The following CLSTN2 variants were observed in gnomAD, a reference collection of about 807,000 sequenced individuals.
The protein encoded by CLSTN2 is calsyntenin 2.
CLSTN2 carries 48 observed loss-of-function variants against 101.2 expected under a neutral mutation model. The observed-to-expected ratio is 0.47, with a 90% CI of 0.38 to 0.60. CLSTN2 has a LOEUF of 0.60. CLSTN2 is among the 20% of genes least tolerant of loss of function. The probability of loss-of-function intolerance (pLI) is 0.00; values close to 1 mark genes in which losing one functional copy is unlikely to be tolerated. For synonymous variants in CLSTN2, 481 were observed against 463.6 expected (o/e 1.04, Z -0.48); for missense variants, 1,160 against 1,238.2 (o/e 0.94, Z 0.95).
chr3:140,478,872 G>GAGGAAGGAAGGAAGGAAGGAAGGAAGGA (rs34907334), intron 8 of CLSTN2, among the ~76,000 whole-genome samples: 2 of 141,422 alleles, frequency 1.4e-5, no homozygotes, highest in African/African-American at 5.3e-5. Flanking sequence ...AAGGGGGAAG[G>GAGGAAGGAAGGAAGGAAGGAAGGAAGGA]AGGAAGGAAG....
At chr3:140,311,472 A>ATTT (rs1241981397) in intron 2 of CLSTN2, among the ~76,000 whole-genome samples, 4 of 129,700 alleles carry the variant, frequency 3.1e-5, no homozygotes, top group African/African-American at 1.2e-4. Flanking sequence ...TGCCTGGCTA[A>ATTT]TTTTTTTTTT....
intron 1 of CLSTN2, among the ~76,000 whole-genome samples, chr3:140,080,722 G>A (rs1277635243): frequency 1.3e-5 from 2 of 152,082 alleles, no homozygotes; most frequent in Non-Finnish European, 2.9e-5. Flanking sequence ...CATCAATGAG[G>A]ACTCCAGGAA....
intron 1 of CLSTN2, among the ~76,000 whole-genome samples, chr3:140,018,156 T>C (rs2107754404): frequency 6.6e-6 from 1 of 152,354 alleles, no homozygotes; most frequent in South Asian, 2.1e-4. Flanking sequence ...TTACGTCTCA[T>C]TGTAGTGGCT....
intron 2 of CLSTN2, among the ~76,000 whole-genome samples, chr3:140,301,292 T>C (rs1316696821): frequency 1.3e-5 from 2 of 152,250 alleles, no homozygotes; most frequent in Non-Finnish European, 2.9e-5. Context: ...ATTTTAAAAG[T>C]ATTTACTTAA....
At chr3:140,401,860 C>G (rs2088245778) in intron 2 of CLSTN2, among the ~76,000 whole-genome samples, 3 of 152,210 alleles carry the variant, frequency 2.0e-5, no homozygotes, top group Admixed American at 2.0e-4. Flanking sequence ...CCCTATTCTC[C>G]TGCCCTGGAG....
At chr3:140,484,126 C>T (rs1036389325) in intron 8 of CLSTN2, among the ~76,000 whole-genome samples, 17 of 152,150 alleles carry the variant, frequency 1.1e-4, no homozygotes, top group Non-Finnish European at 2.4e-4. Flanking sequence ...ATGTTTAGTG[C>T]TTCCTTCAGG....
chr3:140,408,951 C>T (rs975053003), intron 4 of CLSTN2, among the ~76,000 whole-genome samples: 4 of 152,250 alleles, frequency 2.6e-5, no homozygotes, highest in African/African-American at 7.2e-5. Context: ...TCGCTGTACA[C>T]GTGCAAGCCC....
intron 1 of CLSTN2, among the ~76,000 whole-genome samples, chr3:140,067,319 C>T (rs1041999352): frequency 6.6e-6 from 1 of 152,186 alleles, no homozygotes; most frequent in Admixed American, 6.5e-5. Flanking sequence ...TTCTCTGAAA[C>T]TGCAAAATTC....
At chr3:139,957,842 T>C (rs1435014109) in intron 1 of CLSTN2, among the ~76,000 whole-genome samples, 1 of 152,150 alleles carries the variant, frequency 6.6e-6, no homozygotes, top group Non-Finnish European at 1.5e-5. Context: ...AGGAATCCCA[T>C]GATCTTGAGC....
chr3:140,395,577 G>C (rs1260902159), intron 2 of CLSTN2, among the ~76,000 whole-genome samples: 1 of 152,156 alleles, frequency 6.6e-6, no homozygotes, highest in Admixed American at 6.5e-5. Flanking sequence ...GTAACATCCT[G>C]CAAATGTTTC....
chr3:140,397,493 T>C (rs2088195715), intron 2 of CLSTN2, among the ~76,000 whole-genome samples: 1 of 152,206 alleles, frequency 6.6e-6, no homozygotes, highest in South Asian at 2.1e-4. Context: ...CTTAGAGTGG[T>C]GTCTTATAAA....
At chr3:140,040,072 T>C (rs1475026639) in intron 1 of CLSTN2, among the ~76,000 whole-genome samples, 3 of 152,236 alleles carry the variant, frequency 2.0e-5, no homozygotes, top group Admixed American at 1.3e-4. Context: ...TGAGTTTACA[T>C]AGTTTATGAC....
At chr3:140,182,481 C>T (rs1361454060) in intron 2 of CLSTN2, among the ~76,000 whole-genome samples, 1 of 152,118 alleles carries the variant, frequency 6.6e-6, no homozygotes, top group African/African-American at 2.4e-5. Context: ...CTGTCCTGCC[C>T]CACAGCTCTC....
At chr3:140,237,192 G>T (rs185764314) in intron 2 of CLSTN2, among the ~76,000 whole-genome samples, 37 of 152,242 alleles carry the variant, frequency 2.4e-4, no homozygotes, top group Non-Finnish European at 4.4e-4. Context: ...AGCTTTTCAA[G>T]ACTTGTTTTT....
chr3:140,141,100 G>A (rs1283106636), intron 1 of CLSTN2, among the ~76,000 whole-genome samples: 4 of 152,180 alleles, frequency 2.6e-5, no homozygotes, highest in African/African-American at 7.2e-5. Context: ...AGATGAAGTC[G>A]GTCTTGAAGG....
At chr3:140,399,407 T>G (rs191796141) in intron 2 of CLSTN2, among the ~76,000 whole-genome samples, 143 of 152,348 alleles carry the variant, frequency 9.4e-4, no homozygotes, top group Non-Finnish European at 1.6e-3. Flanking sequence ...AATTTTGTCC[T>G]GGGACCTTTC....
chr3:140,483,597 T>G (rs1224376140), intron 8 of CLSTN2, among the ~76,000 whole-genome samples: 1 of 152,192 alleles, frequency 6.6e-6, no homozygotes, highest in Non-Finnish European at 1.5e-5. Flanking sequence ...TGTAGGTCTC[T>G]AAGGACTTGC....
chr3:140,095,172 G>T (rs952643400), intron 1 of CLSTN2, among the ~76,000 whole-genome samples: 3 of 152,146 alleles, frequency 2.0e-5, no homozygotes, highest in African/African-American at 7.2e-5. Context: ...TACCAGAGCT[G>T]CTCATATATT....
At chr3:140,552,225 T>C (rs1356181450) in intron 10 of CLSTN2, among the ~76,000 whole-genome samples, 5 of 152,092 alleles carry the variant, frequency 3.3e-5, no homozygotes, top group African/African-American at 1.2e-4. Context: ...TCTAGCACCT[T>C]CTTGGCTCAA....
Sources: allele counts gnomAD v4.1 joint callset (sites outside exome capture counted in the v4.1 genomes callset), GRCh38; gene constraint gnomAD v4.1.1; transcripts MANE v1.5; gene names NCBI Gene and HGNC (gene_info 2026-07-23, HGNC 2026-07-21).